The following IFFO1 variants were observed in gnomAD, a reference collection of about 807,000 sequenced individuals.
IFFO1 encodes intermediate filament family orphan 1, also known as non-homologous end joining factor IFFO1.
A neutral mutation model predicts 59.6 loss-of-function variants in IFFO1; 42 were observed. The ratio of observed to expected loss-of-function variants is 0.70; its 90% confidence interval spans 0.55 to 0.91. IFFO1 has a LOEUF of 0.91. IFFO1 is among the 40% of genes least tolerant of loss of function. IFFO1 has a pLI of 0.00. For missense variants in IFFO1, 711 were observed against 793.2 expected, an observed-to-expected ratio of 0.90 and a Z score of 1.24; for synonymous variants, 336 against 342.8, an observed-to-expected ratio of 0.98 and a Z score of 0.22.
chr12:6,553,177 G>A (rs569669382), intron 1 of IFFO1, among the ~76,000 whole-genome samples: 4 of 152,316 alleles, frequency 2.6e-5, no homozygotes, highest in East Asian at 1.9e-4. Flanking sequence ...AATCTAGGGA[G>A]GAAGAAGAGT....
Position 6,540,131 on chromosome 12 carries a change from TGGAGGAAA to T in IFFO1, c.*344_*351del. 3 of 367,176 alleles carry T rather than the reference TGGAGGAAA, an allele frequency of 8.2e-6. No homozygotes were observed. The highest frequency in any genetic ancestry group is 2.7e-5 in the South Asian group (1 of 37,490). 22.7% of individuals were successfully genotyped at this position (367,176 alleles called of 1,614,324 possible). On this transcript the variant is annotated 3_prime_UTR_variant, in exon 10 of 10. Transcript: ENST00000619571. ...GTGAGCTGGCTCCGGACAACAGGGA[TGGAGGAAA>T]GGTCCCACATTCACATTCCTGATAC...
At chr12:6,552,108 G>A (rs1303876745) in intron 1 of IFFO1, among the ~76,000 whole-genome samples, 3 of 152,164 alleles carry the variant, frequency 2.0e-5, no homozygotes, top group African/African-American at 7.2e-5. Flanking sequence ...CACAAGAAAG[G>A]TGGTTAGGAA....
rs1279809082 is a variant in IFFO1, at chr12:6,548,589, C to A, written c.1263-44G>T. The A allele has an allele frequency of 3.7e-6, 6 of 1,613,418 alleles. No individual in the cohort carries two copies. Among genetic ancestry groups the A allele is most frequent in the Non-Finnish European group, 5.1e-6 (6 of 1,179,592 alleles). The stretch of plus-strand genomic sequence containing the variant: ...GGTGTCAGGGCGGGCGGGGCCTCGT[C>A]CTGGCGGGGGACTGGGGAGCTCCGG... On this transcript the variant is annotated intron_variant, in intron 6 of 9. Transcript: ENST00000619571. The surrounding 1 kb of genome is among the most constrained non-coding windows in gnomAD (Gnocchi z 6.1).
intron 3 of IFFO1, chr12:6,550,357 A>G (rs1013281364): frequency 3.2e-5 from 14 of 441,010 alleles, no homozygotes; most frequent in Non-Finnish European, 5.0e-5. Flanking sequence ...TGCAGAGCGC[A>G]CGCGTTTATT....
Position 6,549,579 on chromosome 12 carries a change from C to A in IFFO1, c.1072-95G>T. The A allele has an allele frequency of 2.2e-6, 3 of 1,336,506 alleles. No homozygotes were observed. Among genetic ancestry groups the A allele is most frequent in the Non-Finnish European group, 3.2e-6 (3 of 932,964 alleles). 82.8% of individuals were successfully genotyped at this position (1,336,506 alleles called of 1,614,324 possible). ...AAGGGAGAGACGGCGTTAGAGACAG[C>A]TTCCACGATGCCCCTCCTGATGCTG... On this transcript the variant is annotated intron_variant, in intron 4 of 9. Transcript: ENST00000619571. The surrounding 1 kb of genome is among the most constrained non-coding windows in gnomAD (Gnocchi z 5.0).
rs767354474 is a variant in IFFO1, at chr12:6,555,480, T to A, written c.550A>T (p.Thr184Ser). 6.2e-7 allele frequency: 1 copy of A among 1,609,456 alleles called. No homozygotes were observed. ...ATGAAGCGGGCCGACGAGGAATAGG[T>A]GGTGGAGGTGGAGGTGGAGGACGAC... ...LSSSSTSTST[T>S]YSSSARFMPG... The change falls in exon 1 of 10, where the codon ACC (threonine) becomes TCC (serine). Residue 184 changes from threonine to serine, a missense_variant. Thr to Ser is a moderately conservative substitution (Grantham distance 58). Coordinates refer to ENST00000619571, the MANE Select transcript of IFFO1 (RefSeq NM_001193457.2). This position sits in a 1 kb window ranked among gnomAD's most constrained non-coding sequence, Gnocchi z 8.6.
chr12:6,555,899 G>A lies in IFFO1; in HGVS notation c.131C>T (p.Ser44Leu), dbSNP rs1478468154. 4 of 1,564,844 alleles carry A rather than the reference G, an allele frequency of 2.6e-6. No homozygotes were observed. The highest frequency in any genetic ancestry group is 2.3e-5 in the East Asian group (1 of 42,834). The change falls in exon 1 of 10, where the codon TCG (serine) becomes TTG (leucine). Residue 44 changes from serine to leucine, a missense_variant. By Grantham distance (145) the Ser-to-Leu change is moderately radical (BLOSUM62 -2). Transcript: ENST00000619571. The surrounding 1 kb of genome is among the most constrained non-coding windows in gnomAD (Gnocchi z 8.6). Reference protein sequence around the residue: ...GGGDLPPAPLSPAGPAAYSPP... With the variant: ...GGGDLPPAPLLPAGPAAYSPP... ...CGAGTAGGCAGCAGGGCCGGCCGGC[G>A]AGAGAGGCGCCGGGGGCAAGTCTCC... is the stretch of plus-strand genomic sequence containing the variant.
In IFFO1 at chr12:6,548,891, G is replaced by A. The variant is rs748976978; in HGVS notation, c.1081-42C>T. ...GGGTGCATGAGGAGAAAGGGCGGGA[G>A]CGGGAGGCCGGGCAGAGAGGGTGGG... is the stretch of plus-strand genomic sequence containing the variant. On this transcript the variant is annotated intron_variant, in intron 5 of 9. Coordinates refer to ENST00000619571, the MANE Select transcript of IFFO1 (RefSeq NM_001193457.2). The surrounding 1 kb of genome is among the most constrained non-coding windows in gnomAD (Gnocchi z 6.1). The A allele has an allele frequency of 6.5e-7, 1 of 1,546,910 alleles. No individual in the cohort carries two copies. Among genetic ancestry groups the A allele is most frequent in the Admixed American group, 1.9e-5 (1 of 53,420 alleles).
chr12:6,546,529 G>T (rs1946972495), intron 8 of IFFO1, among the ~76,000 whole-genome samples: 2 of 152,212 alleles, frequency 1.3e-5, no homozygotes, highest in Non-Finnish European at 2.9e-5. Context: ...TGTCGCCCAG[G>T]CTGGAGTGCA....
intron 1 of IFFO1, among the ~76,000 whole-genome samples, chr12:6,553,008 G>A (rs376375132): frequency 6.6e-6 from 1 of 152,122 alleles, no homozygotes; most frequent in Admixed American, 6.5e-5. Flanking sequence ...TGGGAAAATG[G>A]GGGCTCAAAA....
In IFFO1 at chr12:6,549,479, C is replaced by T; in HGVS notation, c.1077G>A (p.Lys359=). The change falls in exon 5 of 10, where the codon AAG becomes AAA. Residue 359 remains lysine (K), a synonymous_variant. Coordinates refer to ENST00000619571, the MANE Select transcript of IFFO1 (RefSeq NM_001193457.2). The surrounding 1 kb of genome is among the most constrained non-coding windows in gnomAD (Gnocchi z 5.0). ...GCTTGCGTGAGATCAAACTAACCAGCTTCTTCTGTGGAGGAAGCAAGAGAG... is the reference window on the plus strand; with the variant it reads ...GCTTGCGTGAGATCAAACTAACCAGTTTCTTCTGTGGAGGAAGCAAGAGAG... ...CEDMIQMFQK[K]LSLHLSPIKV... is the part of the protein sequence containing the mutation. 1 of 1,613,490 alleles carries T rather than the reference C, an allele frequency of 6.2e-7. No homozygotes were observed. Among genetic ancestry groups the T allele is most frequent in the Non-Finnish European group, 8.5e-7 (1 of 1,179,502 alleles).
rs1313006251 is a variant in IFFO1 at position 6,548,079 on chromosome 12, T to C, written c.1465A>G (p.Ile489Val). The C allele has an allele frequency of 6.2e-7, 1 of 1,613,430 alleles. No individual in the cohort carries two copies. The highest frequency in any genetic ancestry group is 8.5e-7 in the Non-Finnish European group (1 of 1,179,348). ...CCTGCCCTTACCTCTATCTGGTCAA[T>C]GGTCTCCTGATACTCCTTCTCCCGG... ...KTREKEYQET[I>V]DQIELELATA... The change falls in exon 8 of 10, where the codon ATT becomes GTT. Residue 489 changes from isoleucine to valine, a missense_variant. Coordinates refer to ENST00000619571, the MANE Select transcript of IFFO1 (RefSeq NM_001193457.2). The surrounding 1 kb of genome is among the most constrained non-coding windows in gnomAD (Gnocchi z 6.1).
Position 6,549,637 on chromosome 12 carries a change from C to T in IFFO1, c.1071+119G>A. The T allele has an allele frequency of 1.4e-6, 2 of 1,441,576 alleles. No individual in the cohort carries two copies. The highest frequency in any genetic ancestry group is 2.5e-5 in the South Asian group (2 of 80,624). 89.3% of individuals were successfully genotyped at this position (1,441,576 alleles called of 1,614,324 possible). ...CCCCCCAGTCTAGCCCCGTGAGGGCCCCAGTTGCCAGGTAAGGCTCCCCAA... is the reference window on the plus strand; with the variant it reads ...CCCCCCAGTCTAGCCCCGTGAGGGCTCCAGTTGCCAGGTAAGGCTCCCCAA... On this transcript the variant is annotated intron_variant, in intron 4 of 9. Coordinates refer to ENST00000619571, the MANE Select transcript of IFFO1 (RefSeq NM_001193457.2). The surrounding 1 kb of genome is among the most constrained non-coding windows in gnomAD (Gnocchi z 5.0).
chr12:6,547,760 G>A (rs370084206), intron 8 of IFFO1, among the ~76,000 whole-genome samples: 1 of 147,134 alleles, frequency 6.8e-6, no homozygotes, highest in Non-Finnish European at 1.5e-5. Context: ...AGAGAGAAAG[G>A]AAGGAAGGAA....
At chr12:6,553,728 CGCT>C (rs1462466792) in intron 1 of IFFO1, among the ~76,000 whole-genome samples, 2 of 152,154 alleles carry the variant, frequency 1.3e-5, no homozygotes, top group East Asian at 3.9e-4. Flanking sequence ...GCTGTGATGA[CGCT>C]ACTGCACTCC....
Position 6,555,135 on chromosome 12 carries a change from T to A in IFFO1, c.773+122A>T. Reference sequence around the variant, plus strand: ...CATCCAATTGCTTCCAAGCTCCTCATTACACAGCACAAACTTTACTCTCAT... The same window carrying A: ...CATCCAATTGCTTCCAAGCTCCTCAATACACAGCACAAACTTTACTCTCAT... On this transcript the variant is annotated intron_variant, in intron 1 of 9. Coordinates refer to ENST00000619571, the MANE Select transcript of IFFO1 (RefSeq NM_001193457.2). The surrounding 1 kb of genome is among the most constrained non-coding windows in gnomAD (Gnocchi z 8.6). 1 of 1,013,324 alleles carries A rather than the reference T, an allele frequency of 9.9e-7. No homozygotes were observed. The highest frequency in any genetic ancestry group is 1.6e-6 in the Non-Finnish European group (1 of 643,550). 62.8% of individuals were successfully genotyped at this position (1,013,324 alleles called of 1,614,324 possible).
intron 1 of IFFO1, among the ~76,000 whole-genome samples, chr12:6,553,006 T>A (rs899162592): frequency 1.5e-4 from 23 of 151,976 alleles, no homozygotes; most frequent in African/African-American, 5.6e-4. Flanking sequence ...GTTGGGAAAA[T>A]GGGGGCTCAA....
intron 1 of IFFO1, chr12:6,551,351 C>T: frequency 1.7e-6 from 2 of 1,181,772 alleles, no homozygotes; most frequent in Non-Finnish European, 2.3e-6. Context: ...CATTGCCCAC[C>T]TCCTGCCCAC....
At chr12:6,547,882 A>C (rs1222902887) in intron 8 of IFFO1, among the ~76,000 whole-genome samples, 183 bp downstream of exon 8, 1 of 152,140 alleles carries the variant, frequency 6.6e-6, no homozygotes, top group East Asian at 1.9e-4. Context: ...TTGAACCGAT[A>C]TCTGTCTGTT....
Sources: gnomAD v4.1 joint callset for allele counts (sites outside exome capture counted in the v4.1 genomes callset) on GRCh38, gnomAD v4.1.1 for gene constraint, Gnocchi (gnomAD v3.1) non-coding constraint, MANE v1.5 for transcripts, NCBI Gene and HGNC (gene_info 2026-07-23, HGNC 2026-07-21) for gene names.